Variants in IGSF21 observed in about 807,000 individuals in gnomAD.
The protein encoded by IGSF21 is immunoglobin superfamily member 21.
A neutral mutation model predicts 46.8 loss-of-function variants in IGSF21; 28 were observed. The observed-to-expected ratio is 0.60, with a 90% CI of 0.44 to 0.82. The LOEUF is 0.82. Among genes scored for constraint, IGSF21 ranks in the 40% least tolerant of loss-of-function variants. IGSF21 has a pLI of 0.00. For synonymous variants in IGSF21, 284 were observed against 273.6 expected, an observed-to-expected ratio of 1.04 and a Z score of -0.38; for missense variants, 624 against 665.5, an observed-to-expected ratio of 0.94 and a Z score of 0.69.
chr1:18,232,043 A>G (rs945003837), intron 2 of IGSF21, among the ~76,000 whole-genome samples: 4 of 151,496 alleles, frequency 2.6e-5, no homozygotes, highest in African/African-American at 9.7e-5. Context: ...GAGAGTTGTC[A>G]TCCCTCTAAG....
At chr1:18,226,601 C>T (rs536000935) in intron 1 of IGSF21, among the ~76,000 whole-genome samples, 7 of 152,292 alleles carry the variant, frequency 4.6e-5, no homozygotes, top group South Asian at 2.1e-4. Context: ...AGCCTTGGAC[C>T]GTGCAGGTCC....
chr1:18,148,059 C>T (rs2086486473), intron 1 of IGSF21, among the ~76,000 whole-genome samples: 1 of 152,094 alleles, frequency 6.6e-6, no homozygotes, highest in African/African-American at 2.4e-5. Context: ...TGTGAGGCCT[C>T]CCCAGCCCTG....
intron 3 of IGSF21, among the ~76,000 whole-genome samples, chr1:18,309,263 C>A (rs2085456927): frequency 6.6e-6 from 1 of 152,140 alleles, no homozygotes; most frequent in Non-Finnish European, 1.5e-5. Context: ...ACCCTAGGGG[C>A]AATGATGCCA....
intron 1 of IGSF21, among the ~76,000 whole-genome samples, chr1:18,189,280 T>C (rs879738957): frequency 6.6e-6 from 1 of 152,178 alleles, no homozygotes; most frequent in Non-Finnish European, 1.5e-5. Flanking sequence ...CATGAGTTTA[T>C]TCAGAGAGAT....
intron 1 of IGSF21, among the ~76,000 whole-genome samples, chr1:18,169,023 C>T (rs879430812): frequency 4.6e-5 from 7 of 152,228 alleles, no homozygotes; most frequent in African/African-American, 7.2e-5. Context: ...GACAAGGGCA[C>T]AGCACTAACC....
chr1:18,342,936 C>G (rs35174872), intron 4 of IGSF21, among the ~76,000 whole-genome samples: 15,655 of 152,178 alleles, frequency 0.1, 1,039 homozygotes, highest in Middle Eastern at 0.16. Context: ...AGTTTCAGTT[C>G]TCTTGGGTAT....
At chr1:18,332,280 C>T (rs1159720090) in intron 3 of IGSF21, among the ~76,000 whole-genome samples, 1 of 152,182 alleles carries the variant, frequency 6.6e-6, no homozygotes, top group Non-Finnish European at 1.5e-5. Flanking sequence ...ATCTTATTAC[C>T]TCACCTGGAG....
chr1:18,256,658 C>T (rs754751462), intron 2 of IGSF21, among the ~76,000 whole-genome samples: 7 of 152,156 alleles, frequency 4.6e-5, no homozygotes, highest in Non-Finnish European at 8.8e-5. Flanking sequence ...CCCAGTGGAT[C>T]GGGGCCTGCT....
chr1:18,256,587 A>G (rs1271478256), intron 2 of IGSF21, among the ~76,000 whole-genome samples: 4 of 152,112 alleles, frequency 2.6e-5, no homozygotes, highest in Admixed American at 2.6e-4. Flanking sequence ...CTTCTCCTGG[A>G]TGTTTCCCAA....
chr1:18,246,420 T>C (rs944834867), intron 2 of IGSF21, among the ~76,000 whole-genome samples: 3 of 152,092 alleles, frequency 2.0e-5, no homozygotes, highest in African/African-American at 7.2e-5. Flanking sequence ...AGCGTGTATC[T>C]TGTAATCTCC....
chr1:18,170,546 G>A (rs1407004558), intron 1 of IGSF21, among the ~76,000 whole-genome samples: 2 of 151,310 alleles, frequency 1.3e-5, no homozygotes, highest in African/African-American at 2.4e-5. Flanking sequence ...TTACTTTTTT[G>A]TTTAACTAAT....
At chr1:18,336,787 T>C (rs1364678232) in intron 4 of IGSF21, among the ~76,000 whole-genome samples, 1 of 152,144 alleles carries the variant, frequency 6.6e-6, no homozygotes, top group Non-Finnish European at 1.5e-5. Context: ...TACCCAAGAC[T>C]GGGCAATTTG....
intron 2 of IGSF21, among the ~76,000 whole-genome samples, chr1:18,280,153 G>C (rs985534593): frequency 3.3e-5 from 5 of 152,150 alleles, no homozygotes; most frequent in Non-Finnish European, 7.4e-5. Flanking sequence ...CTTGTAGGGG[G>C]TGTCACAGGC....
rs115774217 is a variant in IGSF21, at chr1:18,313,847, G to A, written c.306-21045G>A. Among the ~76,000 whole-genome samples the A allele has an allele frequency of 2.2e-3, 339 of 152,308 alleles. 1 individual carries two copies. Among genetic ancestry groups the A allele is most frequent in the African/African-American group, 7.9e-3 (327 of 41,558 alleles). On this transcript the variant is annotated intron_variant, in intron 3 of 9. Transcript: ENST00000251296. Reference sequence around the variant, plus strand: ...CGCTCTCTCACCTTTCAGATTTGCAGTGCTGGGACCCAGAGCCCTGGAACT... The same window carrying A: ...CGCTCTCTCACCTTTCAGATTTGCAATGCTGGGACCCAGAGCCCTGGAACT...
rs1052611581 is a variant in IGSF21 at position 18,219,803 on chromosome 1, C to T, written c.71-8095C>T. ...GGGTTCCCTACCCAGGACTTAGGCA[C>T]GGGCATGGAGGATGTTTGCATTTCT... On this transcript the variant is annotated intron_variant, in intron 1 of 9. Transcript: ENST00000251296. Among the ~76,000 whole-genome samples, 4 of 152,072 alleles carry T rather than the reference C, an allele frequency of 2.6e-5. No individual in the cohort carries two copies. The East Asian group carries it at 5.8e-4, about 22-fold the overall frequency.
chr1:18,128,683 A>T (rs930042146), intron 1 of IGSF21, among the ~76,000 whole-genome samples: 1 of 152,132 alleles, frequency 6.6e-6, no homozygotes, highest in Non-Finnish European at 1.5e-5. Context: ...CCATTTGCAG[A>T]TGAGGAGACT....
intron 3 of IGSF21, among the ~76,000 whole-genome samples, chr1:18,310,837 C>A (rs2085481903): frequency 6.6e-6 from 1 of 152,150 alleles, no homozygotes; most frequent in Non-Finnish European, 1.5e-5. Flanking sequence ...TGGTTGCCAG[C>A]AGTCCTTGGC....
At chr1:18,172,317 G>T (rs1005870833) in intron 1 of IGSF21, among the ~76,000 whole-genome samples, 23 of 152,334 alleles carry the variant, frequency 1.5e-4, no homozygotes, top group African/African-American at 5.3e-4. Flanking sequence ...AGGCACTTAT[G>T]TACATATTAC....
intron 1 of IGSF21, among the ~76,000 whole-genome samples, chr1:18,137,631 C>T (rs2086378326): frequency 6.6e-6 from 1 of 152,104 alleles, no homozygotes; most frequent in Non-Finnish European, 1.5e-5. Context: ...TGAGGAAAGC[C>T]ACTTTGGGGG....
Sources: allele counts gnomAD v4.1 joint callset (sites outside exome capture counted in the v4.1 genomes callset), GRCh38; gene constraint gnomAD v4.1.1; transcripts MANE v1.5; gene names NCBI Gene and HGNC (gene_info 2026-07-23, HGNC 2026-07-21).